MAP1B: variants seen among roughly 807,000 people sequenced by gnomAD.
The protein encoded by MAP1B is microtubule-associated protein 1B.
In MAP1B, 12 loss-of-function variants were observed where a neutral mutation model predicts 176.1. That is an observed-to-expected ratio of 0.07 (90% CI 0.04 to 0.11). MAP1B has a LOEUF of 0.11. MAP1B is among the 10% of genes least tolerant of loss of function. MAP1B has a pLI of 1.00. For synonymous variants in MAP1B, 1,044 were observed against 1,135.0 expected, an observed-to-expected ratio of 0.92 and a Z score of 1.61; for missense variants, 2,523 against 2,990.5, an observed-to-expected ratio of 0.84 and a Z score of 3.65.
intron 2 of MAP1B, among the ~76,000 whole-genome samples, chr5:72,145,712 C>T (rs1010561420): frequency 2.0e-5 from 3 of 152,172 alleles, no homozygotes; most frequent in African/African-American, 4.8e-5. Flanking sequence ...AGGCCCCATA[C>T]AATGATGATG....
intron 4 of MAP1B, among the ~76,000 whole-genome samples, chr5:72,190,580 A>G (rs1747005757): frequency 6.6e-6 from 1 of 152,160 alleles, no homozygotes; most frequent in Non-Finnish European, 1.5e-5. Flanking sequence ...GCCATTCCAC[A>G]TTTTGCTGTG....
At chr5:72,180,952 A>T (rs143762081) in intron 2 of MAP1B, among the ~76,000 whole-genome samples, 1 of 152,190 alleles carries the variant, frequency 6.6e-6, no homozygotes, top group African/African-American at 2.4e-5. Context: ...AGGACTCTAG[A>T]TCCAGGTGAC....
At chr5:72,144,819 TGA>T (rs952538277) in intron 2 of MAP1B, among the ~76,000 whole-genome samples, 24 of 152,186 alleles carry the variant, frequency 1.6e-4, no homozygotes, top group African/African-American at 5.6e-4. Flanking sequence ...GTAATGCTTC[TGA>T]GAGGTAGTCT....
intron 2 of MAP1B, among the ~76,000 whole-genome samples, chr5:72,129,184 A>G (rs1323117250): frequency 6.6e-6 from 1 of 152,192 alleles, no homozygotes; most frequent in African/African-American, 2.4e-5. Flanking sequence ...ATGTAATTGT[A>G]TGTGTGTGTG....
In MAP1B at chr5:72,167,257, A is replaced by G. The variant is rs375269027; in HGVS notation, c.287-16486A>G. On this transcript the variant is annotated intron_variant, in intron 2 of 6. Transcript: ENST00000296755. ...ATTTGGGTTGATTTTCACTGCATCT[A>G]TCTCATAGGTTGCAATTTGTTAATT... 6.6e-5 allele frequency among the ~76,000 whole-genome samples: 10 copies of G among 152,322 alleles called. No homozygotes were observed. The East Asian group carries it at 1.5e-3, about 24-fold the overall frequency.
At position 72,205,048 on chromosome 5, in the gene MAP1B, C is replaced by A. The variant is rs769349834; in HGVS notation, c.7252-36C>A. 3 of 1,574,622 alleles carry A rather than the reference C, an allele frequency of 1.9e-6. No homozygotes were observed. In the South Asian group the frequency reaches 3.5e-5, roughly 19 times the overall value. On this transcript the variant is annotated intron_variant, in intron 6 of 6. Coordinates refer to ENST00000296755, the MANE Select transcript of MAP1B (RefSeq NM_005909.5). The stretch of plus-strand genomic sequence containing the variant: ...TTTTTTCATATGGTTTCTGTTTCTG[C>A]CCTTAAATAGCTATTTTTTTTTTCT...
At chr5:72,168,984 T>C (rs1366933369) in intron 2 of MAP1B, among the ~76,000 whole-genome samples, 1 of 152,176 alleles carries the variant, frequency 6.6e-6, no homozygotes. Context: ...AATTATAATA[T>C]CCCAGAGGTC....
chr5:72,197,056 G>A lies in MAP1B; in HGVS notation c.3701G>A (p.Ser1234Asn). The A allele has an allele frequency of 6.2e-7, 1 of 1,614,188 alleles. No homozygotes were observed. The highest frequency in any genetic ancestry group is 8.5e-7 in the Non-Finnish European group (1 of 1,180,020). ...RDAYCSEVKA[S>N]TTLDIKDSIS... ...GCTTACTGCTCTGAAGTGAAAGCCAGCACCACTTTGGACATCAAAGATAGC... is the reference window on the plus strand; with the variant it reads ...GCTTACTGCTCTGAAGTGAAAGCCAACACCACTTTGGACATCAAAGATAGC... Residue 1234 changes from serine to asparagine, a missense_variant, in exon 5 of 7, where the codon AGC becomes AAC. Ser to Asn is a conservative substitution (Grantham distance 46, BLOSUM62 1). Transcript: ENST00000296755.
At chr5:72,154,572 A>C (rs1025082167) in intron 2 of MAP1B, among the ~76,000 whole-genome samples, 2 of 152,188 alleles carry the variant, frequency 1.3e-5, no homozygotes, top group Non-Finnish European at 2.9e-5. Flanking sequence ...AGCTGAGCTC[A>C]TGACCTTTGC....
rs778831055 is a variant in MAP1B at position 72,196,718 on chromosome 5, G to T, written c.3363G>T (p.Gln1121His). ...TCACTGCCACCTCTGGCTACACTCA[G>T]TCTACTATTGAGATATCCAGTGAGC... is the stretch of plus-strand genomic sequence containing the variant. The part of the protein sequence containing the change: ...EEFTATSGYT[Q>H]STIEISSEPT... The change falls in exon 5 of 7, where the codon CAG becomes CAT. Residue 1121 changes from glutamine (Q) to histidine (H), a missense_variant. Gln to His is a conservative substitution (Grantham distance 24). Around this residue, in one of 4 missense-constraint regions of MAP1B, gnomAD observed 1,925 missense variants for 2,126.0 expected, o/e 0.91. Coordinates refer to ENST00000296755, the MANE Select transcript of MAP1B (RefSeq NM_005909.5). This position sits in a 1 kb window ranked among gnomAD's most constrained non-coding sequence, Gnocchi z 5.3. The T allele has an allele frequency of 6.2e-7, 1 of 1,614,172 alleles. No individual in the cohort carries two copies. Among genetic ancestry groups the T allele is most frequent in the Non-Finnish European group, 8.5e-7 (1 of 1,180,012 alleles).
At position 72,205,836 on chromosome 5, in the gene MAP1B, C is replaced by T. The variant is rs1194762950; in HGVS notation, c.*597C>T. ...GTCAGTCTGAGTCATCAAAAAGAGTCTTAATTTTCTAAAACAAGTTGGCTA... is the reference window on the plus strand; with the variant it reads ...GTCAGTCTGAGTCATCAAAAAGAGTTTTAATTTTCTAAAACAAGTTGGCTA... On this transcript the variant is annotated 3_prime_UTR_variant, in exon 7 of 7. Coordinates refer to ENST00000296755, the MANE Select transcript of MAP1B (RefSeq NM_005909.5). 1.3e-5 allele frequency: 2 copies of T among 152,190 alleles called. No homozygotes were observed. The highest frequency in any genetic ancestry group is 4.8e-5 in the African/African-American group (2 of 41,402). 9.4% of individuals were successfully genotyped at this position (152,190 alleles called of 1,614,324 possible).
At chr5:72,109,243 A>G (rs1281259279) in intron 1 of MAP1B, among the ~76,000 whole-genome samples, 1 of 143,616 alleles carries the variant, frequency 7.0e-6, no homozygotes, top group Admixed American at 6.7e-5. Context: ...CTTAAAAAAA[A>G]AAAAGAAAAA....
chr5:72,151,766 C>G (rs1746144521), intron 2 of MAP1B, among the ~76,000 whole-genome samples: 1 of 152,206 alleles, frequency 6.6e-6, no homozygotes, highest in Non-Finnish European at 1.5e-5. Context: ...GCCTCTCTCT[C>G]TGTGTTTTTT....
At chr5:72,163,930 C>CTTTTTTTTTTT (rs869167918) in intron 2 of MAP1B, among the ~76,000 whole-genome samples, 4 of 43,700 alleles carry the variant, frequency 9.2e-5, no homozygotes, top group East Asian at 8.8e-4. Flanking sequence ...TTTTTTTTTT[C>CTTTTTTTTTTT]TTTTTTTTTT....
intron 2 of MAP1B, among the ~76,000 whole-genome samples, chr5:72,179,370 G>C (rs577502243): frequency 6.6e-5 from 10 of 152,342 alleles, no homozygotes; most frequent in African/African-American, 2.4e-4. Context: ...GGTGGAGAGA[G>C]AGGCTGGAAC....
rs200105507 is a variant in MAP1B at position 72,197,382 on chromosome 5, G to A, written c.4027G>A (p.Glu1343Lys). Residue 1343 changes from glutamate to lysine, a missense_variant, in exon 5 of 7, where the codon GAG becomes AAG. Physicochemically the swap from Glu to Lys is moderately conservative, Grantham distance 56. Around this residue, in one of 4 missense-constraint regions of MAP1B, gnomAD observed 1,925 missense variants for 2,126.0 expected, o/e 0.91. Coordinates refer to ENST00000296755, the MANE Select transcript of MAP1B (RefSeq NM_005909.5). The stretch of plus-strand genomic sequence containing the variant: ...ACCTTACTATCAATCTCCTACTGAC[G>A]AGAAATCCAGTCATCTCCCTACAGA... Reference protein sequence around the residue: ...HTPYYQSPTDEKSSHLPTEVI... With the variant: ...HTPYYQSPTDKKSSHLPTEVI... 308 of 1,614,018 alleles carry A rather than the reference G, an allele frequency of 1.9e-4. No individual in the cohort carries two copies. The highest frequency in any genetic ancestry group is 1.6e-4 in the Non-Finnish European group (190 of 1,180,032).
At chr5:72,126,316 T>C (rs1458746151) in intron 2 of MAP1B, among the ~76,000 whole-genome samples, 1 of 152,210 alleles carries the variant, frequency 6.6e-6, no homozygotes, top group Non-Finnish European at 1.5e-5. Context: ...CTAGATCAGG[T>C]CATCTTAACT....
chr5:72,111,639 G>A (rs1046713610), intron 1 of MAP1B, among the ~76,000 whole-genome samples: 2 of 152,094 alleles, frequency 1.3e-5, no homozygotes, highest in Admixed American at 6.6e-5. Context: ...TTTCAAAGTC[G>A]AAGACAGATG....
At position 72,186,046 on chromosome 5, in the gene MAP1B, C is replaced by G. The variant is rs992082492; in HGVS notation, c.370-568C>G. The stretch of plus-strand genomic sequence containing the variant: ...TTTTCTTTATATTCAATGTCAAGCA[C>G]CTTACTGATGCCACTGGAGACTGCC... On this transcript the variant is annotated intron_variant, in intron 3 of 6. Coordinates refer to ENST00000296755, the MANE Select transcript of MAP1B (RefSeq NM_005909.5). This position sits in a 1 kb window ranked among gnomAD's most constrained non-coding sequence, Gnocchi z 4.3. Among the ~76,000 whole-genome samples, 1 of 152,182 alleles carries G rather than the reference C, an allele frequency of 6.6e-6. No individual in the cohort carries two copies. Among genetic ancestry groups the G allele is most frequent in the Non-Finnish European group, 1.5e-5 (1 of 68,044 alleles).
Sources: gnomAD v4.1 joint callset for allele counts (sites outside exome capture counted in the v4.1 genomes callset) on GRCh38, gnomAD v4.1.1 for gene constraint, gnomAD v4.1.1 regional missense constraint, Gnocchi (gnomAD v3.1) non-coding constraint, MANE v1.5 for transcripts, NCBI Gene and HGNC (gene_info 2026-07-23, HGNC 2026-07-21) for gene names.